Variants in CTNNB1 observed in about 807,000 individuals in gnomAD.
The protein encoded by CTNNB1 is catenin beta-1.
A neutral mutation model predicts 82.5 loss-of-function variants in CTNNB1; 6 were observed. That is an observed-to-expected ratio of 0.07 (90% CI 0.04 to 0.14). CTNNB1 has a LOEUF of 0.14. Ranked by LOEUF, CTNNB1 falls within the 10% of genes least tolerant of loss-of-function variation. The pLI is 1.00. For synonymous variants in CTNNB1, 312 were observed against 329.7 expected, an observed-to-expected ratio of 0.95 and a Z score of 0.58; for missense variants, 529 against 980.4, an observed-to-expected ratio of 0.54 and a Z score of 6.15.
rs145906085 is a variant in CTNNB1 at position 41,240,195 on chromosome 3, A to G, written c.*853A>G. On this transcript the variant is annotated 3_prime_UTR_variant, in exon 15 of 15. Transcript: ENST00000349496. ...TTTGTATAAAATAGACAAATAGAAA[A>G]TGGTCCAATTAGTTTCCTTTTTAAT... The G allele has an allele frequency of 2.0e-5, 4 of 201,596 alleles. No individual in the cohort carries two copies. Among genetic ancestry groups the G allele is most frequent in the African/African-American group, 9.2e-5 (4 of 43,626 alleles). The allele number at this position is 201,596 out of a possible 1,614,324, so 12.5% of individuals were successfully genotyped here.
intron 10 of CTNNB1, chr3:41,235,426 T>C (rs572995257): frequency 2.3e-6 from 1 of 426,632 alleles, no homozygotes; most frequent in African/African-American, 2.0e-5. Flanking sequence ...TCTCTTTTTA[T>C]ATACCTTTTA....
intron 1 of CTNNB1, among the ~76,000 whole-genome samples, chr3:41,208,424 ATATTT>A (rs2077699427): frequency 1.3e-5 from 2 of 152,046 alleles, no homozygotes; most frequent in Non-Finnish European, 2.9e-5. Context: ...ATATCCTAGA[ATATTT>A]TGTCTTTTAT....
chr3:41,224,832 TAAATA>T, intron 3 of CTNNB1, 79 bp downstream of exon 3: 7 of 1,595,344 alleles, frequency 4.4e-6, no homozygotes, highest in Non-Finnish European at 4.3e-6. Context: ...TATAATAGTT[TAAATA>T]AAATGTTGTG....
intron 1 of CTNNB1, among the ~76,000 whole-genome samples, chr3:41,213,241 G>T (rs1209778318): frequency 6.6e-6 from 1 of 152,018 alleles, no homozygotes; most frequent in Non-Finnish European, 1.5e-5. Flanking sequence ...ATGACTTTAG[G>T]TTTTTGTGTG....
chr3:41,235,944 C>G, intron 11 of CTNNB1, 101 bp downstream of exon 11: 1 of 1,373,602 alleles, frequency 7.3e-7, no homozygotes, highest in South Asian at 1.2e-5. Context: ...ATAGGGTTAC[C>G]AACATTTAAT....
chr3:41,231,487 AC>A lies in CTNNB1; in HGVS notation c.1082-1853del, dbSNP rs2078308103. Among the ~76,000 whole-genome samples the A allele has an allele frequency of 3.3e-5, 5 of 152,200 alleles. No homozygotes were observed. In the South Asian group the frequency reaches 1.0e-3, roughly 31 times the overall value. ...CTTTCTAGGTTCCTATAAGATAGTT[AC>A]TACTCATGGAGTTTATTCATGCTTT... On this transcript the variant is annotated intron_variant, in intron 7 of 14. Coordinates refer to ENST00000349496, the MANE Select transcript of CTNNB1 (RefSeq NM_001904.4).
chr3:41,200,791 T>C (rs1439683710), intron 1 of CTNNB1, among the ~76,000 whole-genome samples: 1 of 152,218 alleles, frequency 6.6e-6, no homozygotes, highest in Non-Finnish European at 1.5e-5. Context: ...CTTTGGCAGT[T>C]GGGTGTATGT....
intron 1 of CTNNB1, among the ~76,000 whole-genome samples, chr3:41,213,713 AT>A (rs1421227412): frequency 1.3e-5 from 2 of 152,214 alleles, no homozygotes; most frequent in African/African-American, 4.8e-5. Context: ...AAACAAAAAA[AT>A]ATATACTACT....
chr3:41,213,408 C>T (rs2077842381), intron 1 of CTNNB1, among the ~76,000 whole-genome samples: 1 of 152,196 alleles, frequency 6.6e-6, no homozygotes, highest in Non-Finnish European at 1.5e-5. Context: ...CCACTCCCTT[C>T]TCCCACTTGT....
Position 41,199,644 on chromosome 3 carries a change from G to A in CTNNB1, c.-75G>A, listed in dbSNP as rs1385079240. Reference sequence around the variant, plus strand: ...GCAGGTCGAGGACGGTCGGACTCCCGCGGCGGGAGGAGCCTGTTCCCCTGA... The same window carrying A: ...GCAGGTCGAGGACGGTCGGACTCCCACGGCGGGAGGAGCCTGTTCCCCTGA... On this transcript the variant is annotated 5_prime_UTR_variant, in exon 1 of 15. Coordinates refer to ENST00000349496, the MANE Select transcript of CTNNB1 (RefSeq NM_001904.4). The A allele has an allele frequency of 6.6e-6, 1 of 152,256 alleles. No homozygotes were observed. 9.4% of individuals were successfully genotyped at this position (152,256 alleles called of 1,614,324 possible).
rs903446002 is a variant in CTNNB1, at chr3:41,235,592, T to TC, written c.1684-131dup. On this transcript the variant is annotated intron_variant, in intron 10 of 14. Transcript: ENST00000349496. ...GTGACATTCAAGTTAATGGAATCCT[T>TC]CTTCCTTCCTGAACTAATTGCAAGT... is the stretch of plus-strand genomic sequence containing the variant. 2.8e-5 allele frequency: 34 copies of TC among 1,212,462 alleles called. No individual in the cohort carries two copies. The African/African-American group carries it at 3.4e-4, about 12-fold the overall frequency. The allele number at this position is 1,212,462 out of a possible 1,614,324, so 75.1% of individuals were successfully genotyped here. A position where few individuals can be genotyped will look rare whatever the true frequency, so the allele number is the denominator to read the frequency against.
intron 1 of CTNNB1, among the ~76,000 whole-genome samples, chr3:41,209,037 CT>C (rs1559456927): frequency 1.3e-5 from 2 of 152,208 alleles, no homozygotes. Context: ...CTCACTTAAT[CT>C]GTTAGTAGTA....
intron 1 of CTNNB1, chr3:41,220,867 C>CAT (rs1194034584): frequency 6.6e-6 from 1 of 152,140 alleles, no homozygotes; most frequent in African/African-American, 2.4e-5. Flanking sequence ...TAAGATAATT[C>CAT]TGTCCTGATG....
intron 1 of CTNNB1, among the ~76,000 whole-genome samples, chr3:41,200,825 C>T (rs1030815925): frequency 6.6e-6 from 1 of 152,142 alleles, no homozygotes; most frequent in African/African-American, 2.4e-5. Context: ...GTTCTCTTCC[C>T]TTTTGGAGGG....
chr3:41,239,986 C>CTTTTTTTTTTTTTTTTT lies in CTNNB1; in HGVS notation c.*653_*669dup, dbSNP rs1207330730. On this transcript the variant is annotated 3_prime_UTR_variant, in exon 15 of 15. Coordinates refer to ENST00000349496, the MANE Select transcript of CTNNB1 (RefSeq NM_001904.4). The stretch of plus-strand genomic sequence containing the variant: ...TGACTTTGCTTGCTTTGAAGTAGCT[C>CTTTTTTTTTTTTTTTTT]TTTTTTTTTTTTTTTTTTTTTTTTT... The CTTTTTTTTTTTTTTTTT allele has an allele frequency of 1.3e-4, 4 of 30,588 alleles. No individual in the cohort carries two copies. The highest frequency in any genetic ancestry group is 2.7e-4 in the Non-Finnish European group (4 of 14,786). 1.9% of individuals were successfully genotyped at this position (30,588 alleles called of 1,614,324 possible). A position where few individuals can be genotyped will look rare whatever the true frequency, so the allele number is the denominator to read the frequency against.
chr3:41,234,518 C>T, intron 10 of CTNNB1: 2 of 578,310 alleles, frequency 3.5e-6, no homozygotes, highest in South Asian at 1.9e-5. Context: ...TTCACATGGT[C>T]AGTCTTACAA....
Position 41,239,123 on chromosome 3 carries a change from G to A in CTNNB1, c.2138-11G>A, listed in dbSNP as rs765560526. 1.2e-6 allele frequency: 2 copies of A among 1,612,314 alleles called. No individual in the cohort carries two copies. Among genetic ancestry groups the A allele is most frequent in the Non-Finnish European group, 1.7e-6 (2 of 1,178,806 alleles). On this transcript the variant is annotated splice_polypyrimidine_tract_variant and intron_variant, in intron 14 of 14. Transcript: ENST00000349496. The stretch of plus-strand genomic sequence containing the variant: ...TTCTTGCCTATTTTGTTGACACCCT[G>A]ACTCTTCTAGATCCTAGCTATCGTT...
At chr3:41,224,907 G>A (rs758568335) in intron 3 of CTNNB1, 47 bp from the exon 4 acceptor site, 43 of 1,613,832 alleles carry the variant, frequency 2.7e-5, no homozygotes, top group Admixed American at 1.3e-4. Flanking sequence ...AAATACTTAG[G>A]TAAATGCTGA....
intron 1 of CTNNB1, among the ~76,000 whole-genome samples, chr3:41,218,790 CAG>C (rs916042179): frequency 1.3e-4 from 20 of 152,310 alleles, no homozygotes; most frequent in African/African-American, 4.8e-4. Flanking sequence ...CTCCTGGACT[CAG>C]ACAATCCACC....
Sources: allele counts gnomAD v4.1 joint callset (sites outside exome capture counted in the v4.1 genomes callset), GRCh38; gene constraint gnomAD v4.1.1; transcripts MANE v1.5; gene names NCBI Gene and HGNC (gene_info 2026-07-23, HGNC 2026-07-21).